The following CSMD1 variants were observed in gnomAD, a reference collection of about 807,000 sequenced individuals.
The protein encoded by CSMD1 is CUB and Sushi multiple domains 1, also known as CUB and sushi domain-containing protein 1.
Under a neutral mutation model 417.5 loss-of-function variants are expected in CSMD1, and 213 were observed. The observed-to-expected ratio is 0.51, with a 90% confidence interval of 0.46 to 0.57. CSMD1 has a LOEUF of 0.57. CSMD1 is among the 20% of genes least tolerant of loss of function. The pLI is 0.00. For synonymous variants in CSMD1, 2,862 were observed against 1,736.8 expected, an observed-to-expected ratio of 1.65 and a Z score of -16.11; for missense variants, 6,923 against 4,529.7, an observed-to-expected ratio of 1.53 and a Z score of -15.17.
At chr8:4,966,808 T>A (rs1444258882) in intron 1 of CSMD1, among the ~76,000 whole-genome samples, 1 of 152,202 alleles carries the variant, frequency 6.6e-6, no homozygotes, top group Non-Finnish European at 1.5e-5. Flanking sequence ...ATCCAAAGAA[T>A]TTATTGCATG....
intron 49 of CSMD1, among the ~76,000 whole-genome samples, chr8:3,057,946 T>C (rs979827533): frequency 6.6e-6 from 1 of 152,146 alleles, no homozygotes; most frequent in Non-Finnish European, 1.5e-5. Flanking sequence ...TCCCCTACTC[T>C]CCGTAACTTT....
chr8:4,165,264 G>A (rs995775478), intron 3 of CSMD1, among the ~76,000 whole-genome samples: 15 of 152,226 alleles, frequency 9.9e-5, no homozygotes, highest in Admixed American at 7.2e-4. Flanking sequence ...CTGTTGCAGC[G>A]AAAGTTACAG....
chr8:3,437,582 C>G (rs1814650567), intron 12 of CSMD1, among the ~76,000 whole-genome samples: 1 of 152,120 alleles, frequency 6.6e-6, no homozygotes, highest in Admixed American at 6.6e-5. Context: ...AGCCCATCCT[C>G]AATGAATGTT....
chr8:3,395,083 G>T (rs910767911), intron 17 of CSMD1, among the ~76,000 whole-genome samples: 1 of 152,146 alleles, frequency 6.6e-6, no homozygotes, highest in Non-Finnish European at 1.5e-5. Flanking sequence ...GTAATAGGAG[G>T]TGATGTGGGG....
intron 10 of CSMD1, among the ~76,000 whole-genome samples, chr8:3,545,732 A>G (rs564969266): frequency 3.9e-4 from 60 of 152,362 alleles, no homozygotes; most frequent in African/African-American, 1.4e-3. Flanking sequence ...AATGGTGCTG[A>G]TTATTTTAAA....
rs557888149 is a variant in CSMD1, at chr8:3,812,291, A to T, written c.819-58249T>A. ...ATGCATTGTTTTTGGTGGGGACTCT[A>T]ATCTCACAGGGTCCTTTTCTGAGCT... On this transcript the variant is annotated intron_variant, in intron 5 of 69. Coordinates refer to ENST00000635120, the MANE Select transcript of CSMD1 (RefSeq NM_033225.6). Among the ~76,000 whole-genome samples, 97 of 152,322 alleles carry T rather than the reference A, an allele frequency of 6.4e-4. 1 individual carries two copies. The South Asian group carries it at 0.015, about 24-fold the overall frequency.
At chr8:4,362,794 G>A (rs1051965468) in intron 3 of CSMD1, among the ~76,000 whole-genome samples, 4 of 152,104 alleles carry the variant, frequency 2.6e-5, no homozygotes, top group Non-Finnish European at 5.9e-5. Flanking sequence ...AAAATGAAAG[G>A]GAATTATTAT....
chr8:3,439,587 T>G (rs899569033), intron 12 of CSMD1, among the ~76,000 whole-genome samples: 2 of 151,554 alleles, frequency 1.3e-5, no homozygotes, highest in Non-Finnish European at 2.9e-5. Context: ...AATGTTATCT[T>G]CCAGTCTACA....
intron 3 of CSMD1, among the ~76,000 whole-genome samples, chr8:4,414,636 A>G (rs1049214171): frequency 2.0e-5 from 3 of 152,166 alleles, no homozygotes; most frequent in African/African-American, 7.2e-5. Flanking sequence ...TGTGTTCACT[A>G]GAAAGAAAAT....
intron 41 of CSMD1, among the ~76,000 whole-genome samples, chr8:3,132,961 G>T (rs988462145): frequency 6.6e-6 from 1 of 152,188 alleles, no homozygotes; most frequent in Non-Finnish European, 1.5e-5. Context: ...CTACAAGAAG[G>T]CTGAGGGTGC....
At chr8:3,709,358 T>C (rs1341399747) in intron 6 of CSMD1, among the ~76,000 whole-genome samples, 1 of 152,076 alleles carries the variant, frequency 6.6e-6, no homozygotes, top group East Asian at 1.9e-4. Flanking sequence ...TACAACAGGG[T>C]GGCCCCATGA....
At chr8:4,059,182 C>T (rs552450554) in intron 3 of CSMD1, among the ~76,000 whole-genome samples, 15 of 152,162 alleles carry the variant, frequency 9.9e-5, no homozygotes, top group Non-Finnish European at 1.3e-4. Flanking sequence ...CAACCTGCTG[C>T]TGAATGACTA....
chr8:3,811,244 A>C (rs971142651), intron 5 of CSMD1, among the ~76,000 whole-genome samples: 33 of 152,338 alleles, frequency 2.2e-4, no homozygotes, highest in Middle Eastern at 6.8e-3. Flanking sequence ...ACCCAAGTTA[A>C]TTATGAAACT....
chr8:3,579,672 T>C (rs1800299471), intron 9 of CSMD1, among the ~76,000 whole-genome samples: 3 of 152,222 alleles, frequency 2.0e-5, no homozygotes, highest in African/African-American at 7.2e-5. Flanking sequence ...CTGGCTTAGG[T>C]AGTCAGTAGC....
intron 4 of CSMD1, 67 bp downstream of exon 4, chr8:4,031,838 T>C: frequency 3.2e-6 from 4 of 1,251,612 alleles, no homozygotes; most frequent in Non-Finnish European, 4.3e-6. Context: ...GAAACTTTCA[T>C]AAAAGCATCT....
At chr8:3,276,229 G>T (rs1039814854) in intron 26 of CSMD1, among the ~76,000 whole-genome samples, 6 of 152,146 alleles carry the variant, frequency 3.9e-5, no homozygotes, top group African/African-American at 1.4e-4. Context: ...GTGCCTCTCA[G>T]TTAGGCTTCT....
chr8:3,070,536 G>C (rs1013743468), intron 49 of CSMD1, among the ~76,000 whole-genome samples: 6 of 152,158 alleles, frequency 3.9e-5, no homozygotes, highest in African/African-American at 1.4e-4. Flanking sequence ...CAGATCCCTA[G>C]GGAAGGGGAA....
chr8:4,680,911 A>G (rs1473710580), intron 1 of CSMD1, among the ~76,000 whole-genome samples: 1 of 150,256 alleles, frequency 6.7e-6, no homozygotes, highest in African/African-American at 2.4e-5. Context: ...TATGATAAGC[A>G]CACACACACA....
intron 2 of CSMD1, among the ~76,000 whole-genome samples, chr8:4,440,339 AAAT>A (rs572973438): frequency 7.8e-4 from 119 of 152,322 alleles, no homozygotes; most frequent in Non-Finnish European, 1.5e-3. Context: ...GGAAGCATGT[AAAT>A]AAATCATTAC....
Sources: allele counts gnomAD v4.1 joint callset (sites outside exome capture counted in the v4.1 genomes callset), GRCh38; gene constraint gnomAD v4.1.1; transcripts MANE v1.5; gene names NCBI Gene and HGNC (gene_info 2026-07-23, HGNC 2026-07-21).